Variants in RBFOX1 observed in about 807,000 individuals in gnomAD.
RBFOX1 encodes RNA binding protein fox-1 homolog 1.
RBFOX1 carries 8 observed loss-of-function variants against 57.7 expected under a neutral mutation model. The ratio of observed to expected loss-of-function variants is 0.14; its 90% CI spans 0.08 to 0.25. The LOEUF (loss-of-function observed/expected upper bound fraction) is 0.25, where lower values mean the gene tolerates loss of function less well. Among genes scored for constraint, RBFOX1 ranks in the 10% least tolerant of loss-of-function variants. The pLI, the probability that RBFOX1 is intolerant of heterozygous loss-of-function variation, is 1.00. For missense variants in RBFOX1, 611 were observed against 548.5 expected (o/e 1.11, Z -1.14); for synonymous variants, 326 against 222.4 (o/e 1.47, Z -4.15).
chr16:5,367,705 C>G (rs867260780), intron 1 of RBFOX1, among the ~76,000 whole-genome samples: 3 of 152,156 alleles, frequency 2.0e-5, no homozygotes, highest in Non-Finnish European at 2.9e-5. Context: ...ATCTTCATAA[C>G]TGCGCTAAAA....
chr16:6,368,591 T>C (rs116143149), intron 2 of RBFOX1, among the ~76,000 whole-genome samples: 297 of 152,352 alleles, frequency 1.9e-3, no homozygotes, highest in African/African-American at 6.9e-3. Context: ...GAGCTTCCAC[T>C]CATGCCCTTA....
chr16:7,492,789 T>C (rs2151580223), intron 4 of RBFOX1, among the ~76,000 whole-genome samples: 1 of 152,124 alleles, frequency 6.6e-6, no homozygotes, highest in East Asian at 1.9e-4. Context: ...GCCCCGACTC[T>C]CACCATGTGA....
intron 1 of RBFOX1, among the ~76,000 whole-genome samples, chr16:6,316,448 A>G (rs577341884): frequency 1.7e-4 from 26 of 152,328 alleles, no homozygotes; most frequent in African/African-American, 6.0e-4. Flanking sequence ...AATCATTTCC[A>G]TATTTGAACT....
intron 1 of RBFOX1, among the ~76,000 whole-genome samples, chr16:6,163,542 G>A (rs1005224520): frequency 6.6e-5 from 10 of 152,180 alleles, no homozygotes; most frequent in Admixed American, 1.3e-4. Flanking sequence ...GATTTTGGAT[G>A]TTAATTTGTT....
At chr16:6,609,483 A>G (rs188324700) in intron 2 of RBFOX1, among the ~76,000 whole-genome samples, 1 of 152,106 alleles carries the variant, frequency 6.6e-6, no homozygotes, top group Non-Finnish European at 1.5e-5. Context: ...AACTGGGACA[A>G]CAGGTGCATG....
At chr16:7,187,341 A>T (rs1034106676) in intron 4 of RBFOX1, among the ~76,000 whole-genome samples, 1 of 152,150 alleles carries the variant, frequency 6.6e-6, no homozygotes, top group Non-Finnish European at 1.5e-5. Flanking sequence ...ATTATCGATC[A>T]CTTAAAAAAT....
chr16:7,362,090 CAT>C (rs2097335094), intron 4 of RBFOX1, among the ~76,000 whole-genome samples: 1 of 147,274 alleles, frequency 6.8e-6, no homozygotes, highest in African/African-American at 2.5e-5. Context: ...TGTTAGTTTG[CAT>C]ATGTGTGTTA....
chr16:5,453,521 A>C (rs184001922), intron 1 of RBFOX1, among the ~76,000 whole-genome samples: 7 of 152,162 alleles, frequency 4.6e-5, no homozygotes, highest in Non-Finnish European at 7.4e-5. Flanking sequence ...GCTCTGGTGT[A>C]AGGAAATGAC....
intron 2 of RBFOX1, among the ~76,000 whole-genome samples, chr16:6,511,223 A>T (rs1390579883): frequency 6.6e-6 from 1 of 152,142 alleles, no homozygotes; most frequent in Admixed American, 6.6e-5. Flanking sequence ...TGATACTCTG[A>T]TACTCAGATG....
At chr16:5,572,648 A>G (rs1480876953) in intron 2 of RBFOX1, among the ~76,000 whole-genome samples, 3 of 152,196 alleles carry the variant, frequency 2.0e-5, no homozygotes, top group African/African-American at 7.2e-5. Flanking sequence ...GAAATAGTGT[A>G]ATGGAGAAAA....
At chr16:6,947,723 C>T (rs973456374) in intron 3 of RBFOX1, among the ~76,000 whole-genome samples, 7 of 152,176 alleles carry the variant, frequency 4.6e-5, no homozygotes, top group Non-Finnish European at 8.8e-5. Context: ...TATTTATAAA[C>T]GTTTACTTAG....
At chr16:6,555,893 T>C (rs1048779613) in intron 2 of RBFOX1, among the ~76,000 whole-genome samples, 2 of 152,158 alleles carry the variant, frequency 1.3e-5, no homozygotes, top group African/African-American at 2.4e-5. Context: ...TCATTAAATA[T>C]TGGCTGCATA....
chr16:7,381,888 T>G (rs1266285949), intron 4 of RBFOX1, among the ~76,000 whole-genome samples: 3 of 152,186 alleles, frequency 2.0e-5, no homozygotes, highest in Non-Finnish European at 4.4e-5. Context: ...CTCTCCTGAC[T>G]AAATGCCAAC....
intron 3 of RBFOX1, among the ~76,000 whole-genome samples, chr16:6,687,764 C>G (rs1277146822): frequency 1.3e-5 from 2 of 152,048 alleles, no homozygotes; most frequent in African/African-American, 2.4e-5. Flanking sequence ...ATAGGTCAGC[C>G]CAGAGTGGTC....
chr16:5,670,656 T>A (rs1299407897), intron 3 of RBFOX1, among the ~76,000 whole-genome samples: 1 of 152,236 alleles, frequency 6.6e-6, no homozygotes, highest in East Asian at 1.9e-4. Context: ...TTTTTACTCA[T>A]GTGCGGTTTA....
Position 7,166,622 on chromosome 16 carries a change from C to G in RBFOX1, c.27+114524C>G, listed in dbSNP as rs879886233. 1.1e-4 allele frequency among the ~76,000 whole-genome samples: 16 copies of G among 152,204 alleles called. No individual in the cohort carries two copies. The East Asian group carries it at 2.7e-3, about 26-fold the overall frequency. On this transcript the variant is annotated intron_variant, in intron 4 of 15. Transcript: ENST00000550418. Reference sequence around the variant, plus strand: ...GCCTTGTTGTTGTCATGGACTGGCCCTCCTTCGACACCCCTGAGCAGTCTG... The same window carrying G: ...GCCTTGTTGTTGTCATGGACTGGCCGTCCTTCGACACCCCTGAGCAGTCTG...
At chr16:7,282,273 A>G (rs183631321) in intron 4 of RBFOX1, among the ~76,000 whole-genome samples, 5 of 152,282 alleles carry the variant, frequency 3.3e-5, no homozygotes, top group Middle Eastern at 3.4e-3. Context: ...AGTAAATGGC[A>G]TTTGCAAAGG....
At chr16:6,309,486 T>C (rs1224349791) in intron 1 of RBFOX1, among the ~76,000 whole-genome samples, 2 of 152,154 alleles carry the variant, frequency 1.3e-5, no homozygotes, top group Non-Finnish European at 2.9e-5. Context: ...ACACAATTAT[T>C]GCTGACAGGG....
At chr16:7,111,944 C>T (rs2064863277) in intron 4 of RBFOX1, among the ~76,000 whole-genome samples, 1 of 152,086 alleles carries the variant, frequency 6.6e-6, no homozygotes, top group African/African-American at 2.4e-5. Flanking sequence ...GATAAGCTGA[C>T]TTGTCACCCT....
Sources: allele counts gnomAD v4.1 joint callset (sites outside exome capture counted in the v4.1 genomes callset), GRCh38; gene constraint gnomAD v4.1.1; transcripts MANE v1.5; gene names NCBI Gene and HGNC (gene_info 2026-07-23, HGNC 2026-07-21).